Variants in GSK3B observed in about 807,000 individuals in gnomAD.
GSK3B encodes the protein glycogen synthase kinase 3 beta, also known as glycogen synthase kinase-3 beta.
A neutral mutation model predicts 56.4 loss-of-function variants in GSK3B; 15 were observed. The observed-to-expected ratio is 0.27, with a 90% confidence interval of 0.18 to 0.41. The LOEUF (loss-of-function observed/expected upper bound fraction) is 0.41. GSK3B is among the 10% of genes least tolerant of loss of function. GSK3B has a pLI of 1.00. For synonymous variants in GSK3B, 181 were observed against 188.9 expected, an observed-to-expected ratio of 0.96 and a Z score of 0.34; for missense variants, 300 against 513.4, an observed-to-expected ratio of 0.58 and a Z score of 4.02.
intron 1 of GSK3B, among the ~76,000 whole-genome samples, chr3:120,055,499 G>A (rs62266273): frequency 0.018 from 2,795 of 152,138 alleles, 50 homozygotes; most frequent in Middle Eastern, 0.041. Flanking sequence ...AATCAGGGAG[G>A]AAACAATATT....
At chr3:120,029,724 G>T (rs1559883131) in intron 1 of GSK3B, 8 of 543,284 alleles carry the variant, frequency 1.5e-5, no homozygotes, top group South Asian at 8.6e-5. Context: ...TTTTTATCAT[G>T]CAGTGCATCC....
At chr3:119,885,564 T>C (rs2056426886) in intron 7 of GSK3B, among the ~76,000 whole-genome samples, 1 of 152,048 alleles carries the variant, frequency 6.6e-6, no homozygotes, top group Non-Finnish European at 1.5e-5. Flanking sequence ...CTAAAATTCA[T>C]ATGGAACCAA....
At chr3:120,093,096 T>C (rs979708487) in intron 1 of GSK3B, among the ~76,000 whole-genome samples, 1 of 152,088 alleles carries the variant, frequency 6.6e-6, no homozygotes, top group Non-Finnish European at 1.5e-5. Context: ...GCAAGAAAAG[T>C]ACAAGAAAGC....
chr3:119,838,478 TAC>T (rs1577306220), intron 10 of GSK3B, among the ~76,000 whole-genome samples: 2 of 152,184 alleles, frequency 1.3e-5, no homozygotes, highest in Non-Finnish European at 2.9e-5. Flanking sequence ...CACAACAGTT[TAC>T]AGTTTTGTAT....
At chr3:119,922,721 T>C (rs575770093) in intron 4 of GSK3B, among the ~76,000 whole-genome samples, 3 of 152,124 alleles carry the variant, frequency 2.0e-5, no homozygotes, top group African/African-American at 4.8e-5. Flanking sequence ...AATTTAAAAA[T>C]TGTATTTAGA....
intron 10 of GSK3B, among the ~76,000 whole-genome samples, chr3:119,827,363 A>G (rs1030445185): frequency 1.3e-5 from 2 of 152,152 alleles, no homozygotes; most frequent in African/African-American, 4.8e-5. Context: ...CCAGCAAAAA[A>G]GAAACAGCAA....
At chr3:120,066,082 C>G (rs554903861) in intron 1 of GSK3B, among the ~76,000 whole-genome samples, 1 of 152,232 alleles carries the variant, frequency 6.6e-6, no homozygotes, top group African/African-American at 2.4e-5. Flanking sequence ...ACTTTAAAAT[C>G]GTTCAAGTAG....
At chr3:119,905,055 T>C in intron 7 of GSK3B, among the ~76,000 whole-genome samples, 1 of 151,466 alleles carries the variant, frequency 6.6e-6, no homozygotes, top group Non-Finnish European at 1.5e-5. Flanking sequence ...AAATCTCAGC[T>C]CTACTGTTCT....
intron 1 of GSK3B, among the ~76,000 whole-genome samples, chr3:120,043,482 T>C (rs2058079619): frequency 1.3e-5 from 2 of 151,966 alleles, no homozygotes; most frequent in Non-Finnish European, 2.9e-5. Context: ...CAAAGACAAA[T>C]CTCTACTTTA....
intron 7 of GSK3B, among the ~76,000 whole-genome samples, chr3:119,900,557 C>G (rs966633855): frequency 3.3e-5 from 5 of 152,032 alleles, no homozygotes; most frequent in African/African-American, 4.8e-5. Context: ...GTAAAACTTA[C>G]AGCTTTCCCA....
intron 2 of GSK3B, among the ~76,000 whole-genome samples, chr3:119,949,973 G>C (rs2057140648): frequency 6.6e-6 from 1 of 151,878 alleles, no homozygotes; most frequent in African/African-American, 2.4e-5. Flanking sequence ...GCTAAGGCTG[G>C]AAAAATGCAT....
intron 1 of GSK3B, among the ~76,000 whole-genome samples, chr3:120,092,957 C>A (rs1247299347): frequency 2.0e-5 from 3 of 152,136 alleles, no homozygotes; most frequent in Admixed American, 1.3e-4. Context: ...AAAAATTCTG[C>A]AAATGTGCAT....
At chr3:119,862,668 T>C (rs1044363911) in intron 9 of GSK3B, among the ~76,000 whole-genome samples, 2 of 63,844 alleles carry the variant, frequency 3.1e-5, no homozygotes, top group African/African-American at 2.5e-4. Context: ...CTATTTCTTG[T>C]TTTTTTTTTT....
intron 2 of GSK3B, among the ~76,000 whole-genome samples, chr3:119,950,834 C>T (rs1258430132): frequency 1.3e-5 from 2 of 152,188 alleles, no homozygotes; most frequent in Non-Finnish European, 2.9e-5. Context: ...CTTTGCCAAG[C>T]GATGCTACCA....
At chr3:119,857,748 C>A (rs980794671) in intron 9 of GSK3B, among the ~76,000 whole-genome samples, 1 of 152,172 alleles carries the variant, frequency 6.6e-6, no homozygotes, top group African/African-American at 2.4e-5. Flanking sequence ...AGAAGGTTTT[C>A]AGTTTACTTT....
At chr3:120,063,872 A>G (rs2058258073) in intron 1 of GSK3B, among the ~76,000 whole-genome samples, 1 of 152,048 alleles carries the variant, frequency 6.6e-6, no homozygotes. Context: ...CTGTAATCAC[A>G]GCTACTTAGG....
intron 7 of GSK3B, among the ~76,000 whole-genome samples, chr3:119,881,967 C>T (rs2056383924): frequency 6.6e-6 from 1 of 152,174 alleles, no homozygotes; most frequent in Non-Finnish European, 1.5e-5. Context: ...TTTGCTCCTC[C>T]TTGCCTTCTG....
intron 3 of GSK3B, among the ~76,000 whole-genome samples, chr3:119,940,069 A>G (rs1417258480): frequency 6.6e-6 from 1 of 150,912 alleles, no homozygotes; most frequent in African/African-American, 2.4e-5. Flanking sequence ...TTTTACTTAC[A>G]TGGCCACAAT....
intron 9 of GSK3B, among the ~76,000 whole-genome samples, chr3:119,859,464 A>AT (rs2056070443): frequency 6.6e-6 from 1 of 152,204 alleles, no homozygotes; most frequent in African/African-American, 2.4e-5. Context: ...ATTACAATAG[A>AT]TTTTATAAAT....
Sources: gnomAD v4.1 joint callset for allele counts (sites outside exome capture counted in the v4.1 genomes callset) on GRCh38, gnomAD v4.1.1 for gene constraint, MANE v1.5 for transcripts, NCBI Gene and HGNC (gene_info 2026-07-23, HGNC 2026-07-21) for gene names.